The following GMDS variants were observed in gnomAD, a reference collection of about 807,000 sequenced individuals.
The protein encoded by GMDS is GDP-mannose 4,6-dehydratase.
A neutral mutation model predicts 49.9 loss-of-function variants in GMDS; 20 were observed. The ratio of observed to expected loss-of-function variants is 0.40; its 90% CI spans 0.28 to 0.58. The LOEUF (loss-of-function observed/expected upper bound fraction) is 0.58, where lower values mean the gene tolerates loss of function less well. GMDS is among the 20% of genes least tolerant of loss of function. The pLI is 0.42. For missense variants in GMDS, 362 were observed against 481.4 expected, an observed-to-expected ratio of 0.75 and a Z score of 2.32; for synonymous variants, 177 against 178.6, an observed-to-expected ratio of 0.99 and a Z score of 0.07.
At position 1,875,495 on chromosome 6, in the gene GMDS, T is replaced by C. The variant is rs115376237; in HGVS notation, c.771+54608A>G. Reference sequence around the variant, plus strand: ...CACACAAATAAAACCCACAGCACTATATATTACTGTCTCAAAACCTTTAAA... The same window carrying C: ...CACACAAATAAAACCCACAGCACTACATATTACTGTCTCAAAACCTTTAAA... On this transcript the variant is annotated intron_variant, in intron 7 of 10. Transcript: ENST00000380815. Among the ~76,000 whole-genome samples the C allele has an allele frequency of 4.7e-3, 709 of 152,288 alleles. 4 individuals are homozygous for C. The highest frequency in any genetic ancestry group is 0.016 in the African/African-American group (661 of 41,566).
At chr6:2,206,263 A>G (rs534987781) in intron 1 of GMDS, among the ~76,000 whole-genome samples, 35 of 151,130 alleles carry the variant, frequency 2.3e-4, no homozygotes, top group Admixed American at 3.9e-4. Flanking sequence ...CATCTCAAGA[A>G]AAAAAAAAGC....
chr6:2,135,599 CATCA>C (rs762869714), intron 1 of GMDS, among the ~76,000 whole-genome samples: 45 of 114,526 alleles, frequency 3.9e-4, no homozygotes, highest in South Asian at 6.6e-4. Flanking sequence ...TCTACCACAT[CATCA>C]TCATCATCAT....
At chr6:2,045,958 C>T (rs1769983800) in intron 4 of GMDS, among the ~76,000 whole-genome samples, 1 of 152,126 alleles carries the variant, frequency 6.6e-6, no homozygotes, top group Admixed American at 6.5e-5. Context: ...CACCTGTAAT[C>T]CCAGAATTTT....
chr6:1,780,659 T>C (rs937054070), intron 7 of GMDS, among the ~76,000 whole-genome samples: 1 of 152,218 alleles, frequency 6.6e-6, no homozygotes, highest in Non-Finnish European at 1.5e-5. Flanking sequence ...GCCCATCCTC[T>C]GCCCGTCTCC....
chr6:1,831,825 A>T (rs1581233960), intron 7 of GMDS, among the ~76,000 whole-genome samples: 1 of 151,892 alleles, frequency 6.6e-6, no homozygotes, highest in Admixed American at 6.6e-5. Flanking sequence ...ACCATCTCTC[A>T]CCAGGTCTCT....
intron 9 of GMDS, among the ~76,000 whole-genome samples, chr6:1,688,029 C>A (rs1332138201): frequency 6.6e-6 from 1 of 152,104 alleles, no homozygotes; most frequent in African/African-American, 2.4e-5. Flanking sequence ...TGTAGGAGGG[C>A]AAGAATGGAG....
intron 1 of GMDS, among the ~76,000 whole-genome samples, chr6:2,203,449 A>C (rs1204607819): frequency 6.6e-6 from 1 of 152,166 alleles, no homozygotes; most frequent in Non-Finnish European, 1.5e-5. Flanking sequence ...GCAGGAAACC[A>C]GGGCATTTAT....
intron 4 of GMDS, among the ~76,000 whole-genome samples, chr6:1,971,484 A>G (rs1764606512): frequency 6.6e-6 from 1 of 152,206 alleles, no homozygotes; most frequent in Non-Finnish European, 1.5e-5. Context: ...GACTAAACAA[A>G]TGTGACATCT....
intron 1 of GMDS, among the ~76,000 whole-genome samples, chr6:2,208,188 C>G (rs1779892231): frequency 6.6e-6 from 1 of 152,152 alleles, no homozygotes; most frequent in African/African-American, 2.4e-5. Context: ...AATCAATGAC[C>G]TAGGTAGCCT....
At chr6:1,985,384 G>A (rs755683868) in intron 4 of GMDS, among the ~76,000 whole-genome samples, 1 of 129,784 alleles carries the variant, frequency 7.7e-6, no homozygotes, top group Non-Finnish European at 1.7e-5. Flanking sequence ...CTTGCAAACC[G>A]ATTTTTTTTT....
At chr6:1,800,446 T>A (rs760770841) in intron 7 of GMDS, among the ~76,000 whole-genome samples, 8 of 152,120 alleles carry the variant, frequency 5.3e-5, no homozygotes, top group Non-Finnish European at 1.2e-4. Context: ...TCTTTTCTTT[T>A]CTTTTTTTGA....
At chr6:1,737,891 CCACA>C (rs1215502973) in intron 8 of GMDS, among the ~76,000 whole-genome samples, 2 of 140,612 alleles carry the variant, frequency 1.4e-5, no homozygotes, top group Non-Finnish European at 3.1e-5. Context: ...ACACGCAACC[CCACA>C]CACATACACA....
chr6:2,051,026 G>A (rs1368073145), intron 4 of GMDS, among the ~76,000 whole-genome samples: 3 of 152,094 alleles, frequency 2.0e-5, no homozygotes, highest in Admixed American at 2.0e-4. Flanking sequence ...GTTGATGGGT[G>A]TAACAAACCA....
intron 7 of GMDS, among the ~76,000 whole-genome samples, chr6:1,759,079 C>T (rs932395396): frequency 8.5e-5 from 13 of 152,062 alleles, no homozygotes; most frequent in African/African-American, 2.2e-4. Flanking sequence ...TGCGCCACCA[C>T]GCCCGGCTAA....
intron 9 of GMDS, among the ~76,000 whole-genome samples, chr6:1,670,811 C>T (rs887791604): frequency 2.0e-5 from 3 of 152,184 alleles, no homozygotes; most frequent in Non-Finnish European, 4.4e-5. Context: ...GCAGGTCAAA[C>T]CATGGCCTCG....
At chr6:2,151,432 G>A (rs998242424) in intron 1 of GMDS, among the ~76,000 whole-genome samples, 1 of 152,016 alleles carries the variant, frequency 6.6e-6, no homozygotes, top group African/African-American at 2.4e-5. Context: ...TGAATTCTGA[G>A]TAAATAAAAT....
At chr6:2,127,188 C>G (rs910645034) in intron 1 of GMDS, among the ~76,000 whole-genome samples, 5 of 152,074 alleles carry the variant, frequency 3.3e-5, no homozygotes, top group African/African-American at 1.2e-4. Context: ...ATAGGATAAT[C>G]AATATCCCTA....
chr6:2,065,160 C>A (rs567249271), intron 4 of GMDS, among the ~76,000 whole-genome samples: 32 of 152,166 alleles, frequency 2.1e-4, no homozygotes, highest in Non-Finnish European at 2.4e-4. Context: ...CCAGCAGGGG[C>A]AGACTGACAC....
rs144479676 is a variant in GMDS at position 1,826,073 on chromosome 6, C to G, written c.772-83487G>C. ...GTACAGGCACTCACCATGAAGGAAG[C>G]CTGCAGCACTGGAAGTTGCTCTGGG... On this transcript the variant is annotated intron_variant, in intron 7 of 10. Transcript: ENST00000380815. Among the ~76,000 whole-genome samples, 1,091 of 152,120 alleles carry G rather than the reference C, an allele frequency of 7.2e-3. 9 individuals are homozygous for G. The highest frequency in any genetic ancestry group is 9.6e-3 in the Non-Finnish European group (655 of 68,006).
Sources: gnomAD v4.1 joint callset for allele counts (sites outside exome capture counted in the v4.1 genomes callset) on GRCh38, gnomAD v4.1.1 for gene constraint, MANE v1.5 for transcripts, NCBI Gene and HGNC (gene_info 2026-07-23, HGNC 2026-07-21) for gene names.